Variants in FBH1 observed in about 807,000 individuals in gnomAD.
FBH1 encodes the protein DNA 3'-5' helicase 1.
A neutral mutation model predicts 115.5 loss-of-function variants in FBH1; 43 were observed. The ratio of observed to expected loss-of-function variants is 0.37; its 90% CI spans 0.29 to 0.48. The LOEUF (loss-of-function observed/expected upper bound fraction) is 0.48. Among genes scored for constraint, FBH1 ranks in the 20% least tolerant of loss-of-function variants. The pLI is 0.99. For missense variants in FBH1, 1,001 were observed against 1,337.3 expected, an observed-to-expected ratio of 0.75 and a Z score of 3.92; for synonymous variants, 524 against 507.8, an observed-to-expected ratio of 1.03 and a Z score of -0.43.
rs368980793 is a variant in FBH1 at position 5,909,092 on chromosome 10, A to G, written c.884+37A>G. 1 of 1,613,822 alleles carries G rather than the reference A, an allele frequency of 6.2e-7. No homozygotes were observed. Among genetic ancestry groups the G allele is most frequent in the Non-Finnish European group, 8.5e-7 (1 of 1,179,968 alleles). ...CTGTGCTGTAAAGAAGGCGTCTTTGAAGTCTTCCTTGTACATCAGTGCTTA... is the reference window on the plus strand; with the variant it reads ...CTGTGCTGTAAAGAAGGCGTCTTTGGAGTCTTCCTTGTACATCAGTGCTTA... On this transcript the variant is annotated intron_variant, in intron 4 of 20. Transcript: ENST00000362091. The surrounding 1 kb of genome is among the most constrained non-coding windows in gnomAD (Gnocchi z 4.4).
At chr10:5,905,269 C>T (rs1030682784) in intron 2 of FBH1, 7 of 152,250 alleles carry the variant, frequency 4.6e-5, no homozygotes, top group East Asian at 1.9e-4. Flanking sequence ...GTAATGCCAG[C>T]ACTTTGCGGG....
In FBH1 at chr10:5,917,091, T is replaced by A; in HGVS notation, c.1789-329T>A. ...AAGTCTGTTTCTTTTTTTCATCAAG[T>A]CTTTTCAATCATGTGCCATTGTTTT... On this transcript the variant is annotated intron_variant, in intron 10 of 20. Transcript: ENST00000362091. The surrounding 1 kb of genome is among the most constrained non-coding windows in gnomAD (Gnocchi z 5.6). 3.7e-6 allele frequency: 1 copy of A among 272,164 alleles called. No homozygotes were observed. The highest frequency in any genetic ancestry group is 8.1e-5 in the East Asian group (1 of 12,352). The allele number at this position is 272,164 out of a possible 1,614,324, so 16.9% of individuals were successfully genotyped here.
rs972220323 is a variant in FBH1, at chr10:5,909,967, C to T, written c.1020+673C>T. Among the ~76,000 whole-genome samples the T allele has an allele frequency of 6.6e-6, 1 of 152,146 alleles. No homozygotes were observed. The highest frequency in any genetic ancestry group is 1.5e-5 in the Non-Finnish European group (1 of 68,026). Reference sequence around the variant, plus strand: ...TCCTTTCTTGGAATGCATTCTTTAACACAGAGACGTGTAGTAACTTAAGAA... The same window carrying T: ...TCCTTTCTTGGAATGCATTCTTTAATACAGAGACGTGTAGTAACTTAAGAA... On this transcript the variant is annotated intron_variant, in intron 5 of 20. Coordinates refer to ENST00000362091, the MANE Select transcript of FBH1 (RefSeq NM_178150.3). The surrounding 1 kb of genome is among the most constrained non-coding windows in gnomAD (Gnocchi z 4.4).
Position 5,902,965 on chromosome 10 carries a change from G to A in FBH1, c.2-55G>A, listed in dbSNP as rs1379730190. ...AGTATAATGTGCTGGCTAGCTTGTA[G>A]AATCGGTGATAACTAATGAATATCC... On this transcript the variant is annotated intron_variant, in intron 1 of 20. Coordinates refer to ENST00000362091, the MANE Select transcript of FBH1 (RefSeq NM_178150.3). 4 of 1,512,244 alleles carry A rather than the reference G, an allele frequency of 2.6e-6. No homozygotes were observed. In the African/African-American group the frequency reaches 4.2e-5, roughly 16 times the overall value. 93.7% of individuals were successfully genotyped at this position (1,512,244 alleles called of 1,614,324 possible).
chr10:5,894,891 CAT>C (rs1842923379), intron 1 of FBH1, among the ~76,000 whole-genome samples: 1 of 152,124 alleles, frequency 6.6e-6, no homozygotes, highest in Non-Finnish European at 1.5e-5. Context: ...ATATAAGACA[CAT>C]GTTAAATGCA....
At chr10:5,902,938 T>G in intron 1 of FBH1, 82 bp from the exon 2 acceptor site, 7 of 1,348,590 alleles carry the variant, frequency 5.2e-6, no homozygotes, top group Non-Finnish European at 4.9e-6. Context: ...TGCAGAAACT[T>G]GAGTATAATG....
chr10:5,905,896 A>G, intron 2 of FBH1, 141 bp from the exon 3 acceptor site: 1 of 608,758 alleles, frequency 1.6e-6, no homozygotes, highest in Non-Finnish European at 3.0e-6. Context: ...TATTTATATA[A>G]TCAGTTGGCC....
In FBH1 at chr10:5,931,795, T is replaced by C. The variant is rs1832986393; in HGVS notation, c.2829+4254T>C. Reference sequence around the variant, plus strand: ...TAATACCTACAGGGGTTGCTTTGCTTCTTTTTGATTTAATGATCTTTCTTG... The same window carrying C: ...TAATACCTACAGGGGTTGCTTTGCTCCTTTTTGATTTAATGATCTTTCTTG... On this transcript the variant is annotated intron_variant, in intron 19 of 20. Transcript: ENST00000362091. This position sits in a 1 kb window ranked among gnomAD's most constrained non-coding sequence, Gnocchi z 4.3. Among the ~76,000 whole-genome samples, 3 of 152,328 alleles carry C rather than the reference T, an allele frequency of 2.0e-5. No individual in the cohort carries two copies. Among genetic ancestry groups the C allele is most frequent in the Admixed American group, 1.3e-4 (2 of 15,296 alleles).
Position 5,937,097 on chromosome 10 carries a change from T to C in FBH1, c.2962-13T>C, listed in dbSNP as rs754447491. 5 of 1,584,286 alleles carry C rather than the reference T, an allele frequency of 3.2e-6. No homozygotes were observed. The highest frequency in any genetic ancestry group is 4.3e-6 in the Non-Finnish European group (5 of 1,163,876). The stretch of plus-strand genomic sequence containing the variant: ...TTGTTCCCCTTAGCTCTCTCTCTTG[T>C]CCATCACCACAGAGCAACAGGAAGG... On this transcript the variant is annotated splice_polypyrimidine_tract_variant and intron_variant, in intron 20 of 20. Coordinates refer to ENST00000362091, the MANE Select transcript of FBH1 (RefSeq NM_178150.3).
rs1842956512 is a variant in FBH1 at position 5,895,537 on chromosome 10, G to A, written c.1+5191G>A. Among the ~76,000 whole-genome samples the A allele has an allele frequency of 6.6e-6, 1 of 152,114 alleles. No individual in the cohort carries two copies. Among genetic ancestry groups the A allele is most frequent in the Non-Finnish European group, 1.5e-5 (1 of 68,032 alleles). ...ATTTCAAATGATCCTGAATGGTTAG[G>A]GTAAGCTTTGCTGCAGTGACAAATA... On this transcript the variant is annotated intron_variant, in intron 1 of 20. Coordinates refer to ENST00000362091, the MANE Select transcript of FBH1 (RefSeq NM_178150.3). The surrounding 1 kb of genome is among the most constrained non-coding windows in gnomAD (Gnocchi z 5.0).
chr10:5,929,247 TAA>T (rs1564463070), intron 19 of FBH1: 3 of 152,168 alleles, frequency 2.0e-5, no homozygotes, highest in Non-Finnish European at 4.4e-5. Flanking sequence ...TATCAAAACT[TAA>T]AAGAGAGAAG....
intron 1 of FBH1, among the ~76,000 whole-genome samples, chr10:5,898,506 G>A (rs1036990824): frequency 2.6e-5 from 4 of 152,122 alleles, no homozygotes; most frequent in African/African-American, 9.7e-5. Flanking sequence ...CACCTCCCGG[G>A]TTCAAGTGAT....
intron 19 of FBH1, chr10:5,929,322 T>G (rs1214580499): frequency 1.3e-5 from 2 of 152,216 alleles, no homozygotes; most frequent in Admixed American, 1.3e-4. Context: ...TAAAACTGAT[T>G]AGCTTGCATG....
chr10:5,921,190 G>A lies in FBH1; in HGVS notation c.2101-68G>A. The A allele has an allele frequency of 1.4e-6, 2 of 1,463,866 alleles. No individual in the cohort carries two copies. Among genetic ancestry groups the A allele is most frequent in the Non-Finnish European group, 1.9e-6 (2 of 1,049,588 alleles). The allele number at this position is 1,463,866 out of a possible 1,614,324, so 90.7% of individuals were successfully genotyped here. On this transcript the variant is annotated intron_variant, in intron 13 of 20. Coordinates refer to ENST00000362091, the MANE Select transcript of FBH1 (RefSeq NM_178150.3). This position sits in a 1 kb window ranked among gnomAD's most constrained non-coding sequence, Gnocchi z 6.4. ...GGTCTGGCCCGGCCAGGCTGTGGCA[G>A]CAGTGATGGAAATGCACGGACACAC...
Position 5,910,916 on chromosome 10 carries a change from T to C in FBH1, c.1021-22T>C. The C allele has an allele frequency of 6.3e-7, 1 of 1,598,776 alleles. No homozygotes were observed. The highest frequency in any genetic ancestry group is 2.2e-5 in the East Asian group (1 of 44,790). ...CCATGGCCTGTGGGCTGTCCCTCCC[T>C]CCCTGTGCACCTGGCTTGCAGGGTG... On this transcript the variant is annotated intron_variant, in intron 5 of 20. Transcript: ENST00000362091. The surrounding 1 kb of genome is among the most constrained non-coding windows in gnomAD (Gnocchi z 4.8).
At chr10:5,904,814 A>G (rs1728108440) in intron 2 of FBH1, among the ~76,000 whole-genome samples, 3 of 152,336 alleles carry the variant, frequency 2.0e-5, no homozygotes, top group South Asian at 4.1e-4. Context: ...CAGATTGCCC[A>G]AGAAACAGTT....
rs1017160065 is a variant in FBH1 at position 5,917,151 on chromosome 10, C to G, written c.1789-269C>G. 39 of 438,478 alleles carry G rather than the reference C, an allele frequency of 8.9e-5. 1 individual carries two copies. Among genetic ancestry groups the G allele is most frequent in the Middle Eastern group, 1.2e-3 (2 of 1,602 alleles). 27.2% of individuals were successfully genotyped at this position (438,478 alleles called of 1,614,324 possible). On this transcript the variant is annotated intron_variant, in intron 10 of 20. Transcript: ENST00000362091. The surrounding 1 kb of genome is among the most constrained non-coding windows in gnomAD (Gnocchi z 5.6). ...AGCATCAGTCATAAATCTAGAAGAA[C>G]AATTTGGCCTTTTCTGGTTCACCTA...
rs762327572 is a variant in FBH1, at chr10:5,911,082, G to A, written c.1165G>A (p.Val389Met). 3 of 1,613,436 alleles carry A rather than the reference G, an allele frequency of 1.9e-6. No individual in the cohort carries two copies. Among genetic ancestry groups the A allele is most frequent in the East Asian group, 2.2e-5 (1 of 44,888 alleles). ...CACCGAGACCCTGTACTGCATAGCC[G>A]TGCTTCTCTACGCCATGAGGGAGAA... ...DVTETLYCIA[V>M]LLYAMREKGI... The change falls in exon 6 of 21, where the codon GTG becomes ATG. Residue 389 changes from valine (V) to methionine (M), a missense_variant. Physicochemically the swap from Val to Met is conservative, Grantham distance 21. Coordinates refer to ENST00000362091, the MANE Select transcript of FBH1 (RefSeq NM_178150.3). The surrounding 1 kb of genome is among the most constrained non-coding windows in gnomAD (Gnocchi z 5.4).
chr10:5,923,174 C>T lies in FBH1; in HGVS notation c.2323-447C>T, dbSNP rs572709096. On this transcript the variant is annotated intron_variant, in intron 15 of 20. Coordinates refer to ENST00000362091, the MANE Select transcript of FBH1 (RefSeq NM_178150.3). The surrounding 1 kb of genome is among the most constrained non-coding windows in gnomAD (Gnocchi z 5.7). ...CTGGGATTACAGGCATGAGCCACTG[C>T]GCCTGGCCTGTAGTTCTTTTCTCAC... is the stretch of plus-strand genomic sequence containing the variant. Among the ~76,000 whole-genome samples the T allele has an allele frequency of 2.0e-5, 3 of 152,310 alleles. No homozygotes were observed. The highest frequency in any genetic ancestry group is 4.4e-5 in the Non-Finnish European group (3 of 68,022).
Sources: gnomAD v4.1 joint callset for allele counts (sites outside exome capture counted in the v4.1 genomes callset) on GRCh38, gnomAD v4.1.1 for gene constraint, Gnocchi (gnomAD v3.1) non-coding constraint, MANE v1.5 for transcripts, NCBI Gene and HGNC (gene_info 2026-07-23, HGNC 2026-07-21) for gene names.